Variants in GPC6 observed in about 807,000 individuals in gnomAD.
The protein encoded by GPC6 is glypican 6, also known as glypican-6.
Under a neutral mutation model 55.2 loss-of-function variants are expected in GPC6, and 14 were observed. The observed-to-expected ratio is 0.25, with a 90% confidence interval of 0.17 to 0.40. GPC6 has a LOEUF of 0.40. Among genes scored for constraint, GPC6 ranks in the 10% least tolerant of loss-of-function variants. The pLI is 1.00. For missense variants in GPC6, 641 were observed against 708.5 expected (o/e 0.90, Z 1.08); for synonymous variants, 278 against 259.6 (o/e 1.07, Z -0.68).
intron 2 of GPC6, among the ~76,000 whole-genome samples, chr13:93,782,526 C>T (rs1885685656): frequency 6.6e-6 from 1 of 152,108 alleles, no homozygotes; most frequent in Non-Finnish European, 1.5e-5. Context: ...TCCATAATGG[C>T]TGTATTAGTT....
intron 3 of GPC6, among the ~76,000 whole-genome samples, chr13:93,888,646 A>G (rs1207153612): frequency 1.3e-5 from 2 of 152,114 alleles, no homozygotes; most frequent in East Asian, 3.9e-4. Context: ...CTTCTCTTAG[A>G]TGCTTTTGGT....
At chr13:93,231,329 ACG>A (rs71873506) in intron 1 of GPC6, among the ~76,000 whole-genome samples, 43,925 of 96,304 alleles carry the variant, frequency 0.46, 8,193 homozygotes, top group Admixed American at 0.54. Context: ...ATATATATAT[ACG>A]TATATATATA....
At chr13:93,776,585 G>T (rs1885476722) in intron 2 of GPC6, among the ~76,000 whole-genome samples, 2 of 151,586 alleles carry the variant, frequency 1.3e-5, no homozygotes, top group Admixed American at 6.6e-5. Context: ...TCTTTTCAAG[G>T]TATGTTCAGA....
intron 2 of GPC6, among the ~76,000 whole-genome samples, chr13:93,667,225 A>G (rs1327649029): frequency 1.3e-5 from 2 of 152,168 alleles, no homozygotes; most frequent in African/African-American, 4.8e-5. Flanking sequence ...GATTATTGAC[A>G]TAACAGAAGA....
chr13:93,868,959 T>C (rs1316560537), intron 3 of GPC6, among the ~76,000 whole-genome samples: 2 of 151,814 alleles, frequency 1.3e-5, no homozygotes, highest in African/African-American at 4.8e-5. Flanking sequence ...CTTCTATTCT[T>C]TATGTAGTGC....
intron 2 of GPC6, among the ~76,000 whole-genome samples, chr13:93,778,469 A>G (rs1885536154): frequency 6.6e-6 from 1 of 152,178 alleles, no homozygotes; most frequent in Non-Finnish European, 1.5e-5. Context: ...AAGTCATAGC[A>G]TTGTGCTAAG....
At chr13:93,655,003 ATTTTTTTTTT>A (rs3884231) in intron 2 of GPC6, among the ~76,000 whole-genome samples, 2 of 104,736 alleles carry the variant, frequency 1.9e-5, no homozygotes, top group South Asian at 3.3e-4. Flanking sequence ...TGCCCGGCTA[ATTTTTTTTTT>A]TTTTTTTTTT....
chr13:93,439,694 A>ATAAAATAAAAT (rs1555300384), intron 1 of GPC6, among the ~76,000 whole-genome samples: 1 of 146,520 alleles, frequency 6.8e-6, no homozygotes, highest in African/African-American at 2.5e-5. Flanking sequence ...AATAAATAAA[A>ATAAAATAAAAT]AAAATAAAAT....
chr13:94,228,983 G>A (rs1269716062), intron 4 of GPC6, among the ~76,000 whole-genome samples: 1 of 152,170 alleles, frequency 6.6e-6, no homozygotes, highest in Non-Finnish European at 1.5e-5. Flanking sequence ...GAATGCTAAA[G>A]TCTAAATATG....
Position 93,791,292 on chromosome 13 carries a change from T to C in GPC6, c.320-38862T>C, listed in dbSNP as rs80122388. 5.2e-3 allele frequency among the ~76,000 whole-genome samples: 793 copies of C among 152,334 alleles called. 8 individuals carry two copies. Among genetic ancestry groups the C allele is most frequent in the African/African-American group, 0.018 (758 of 41,580 alleles). On this transcript the variant is annotated intron_variant, in intron 2 of 8. Coordinates refer to ENST00000377047, the MANE Select transcript of GPC6 (RefSeq NM_005708.5). ...AGACCAGGGCTGTAGAAATAGTCCC[T>C]GTCTTGTAAAAAACTGCAGTGCAAG...
intron 3 of GPC6, among the ~76,000 whole-genome samples, chr13:93,970,682 CA>C (rs1169534359): frequency 1.3e-5 from 2 of 152,154 alleles, no homozygotes; most frequent in Non-Finnish European, 2.9e-5. Context: ...GTGCTAATTG[CA>C]AAAGCTCCTT....
intron 7 of GPC6, among the ~76,000 whole-genome samples, chr13:94,393,239 A>T (rs1316714895): frequency 6.6e-6 from 1 of 152,124 alleles, no homozygotes. Flanking sequence ...ATTACATCGT[A>T]TCTCCAGTGG....
intron 2 of GPC6, among the ~76,000 whole-genome samples, chr13:93,674,844 T>C (rs1272100994): frequency 2.3e-4 from 2 of 8,774 alleles, no homozygotes; most frequent in African/African-American, 3.3e-3. Flanking sequence ...AGTCCCTAAA[T>C]GACTTGGCTG....
At chr13:94,349,396 C>CA (rs1878429655) in intron 6 of GPC6, among the ~76,000 whole-genome samples, 1 of 152,116 alleles carries the variant, frequency 6.6e-6, no homozygotes, top group African/African-American at 2.4e-5. Flanking sequence ...TCATCTCCAA[C>CA]TTTTTTTGAC....
chr13:93,853,526 T>A (rs1430133440), intron 3 of GPC6, among the ~76,000 whole-genome samples: 2 of 151,626 alleles, frequency 1.3e-5, no homozygotes, highest in African/African-American at 4.8e-5. Flanking sequence ...ATGCCTTAAT[T>A]ACTATATTTT....
intron 4 of GPC6, among the ~76,000 whole-genome samples, chr13:94,152,445 A>G (rs2138897983): frequency 6.6e-6 from 1 of 152,252 alleles, no homozygotes; most frequent in East Asian, 1.9e-4. Flanking sequence ...CATCAAACAA[A>G]TAGTTCTGAA....
chr13:93,468,408 A>G (rs1878991577), intron 1 of GPC6, among the ~76,000 whole-genome samples: 1 of 151,336 alleles, frequency 6.6e-6, no homozygotes, highest in South Asian at 2.1e-4. Context: ...TTCCAAATTC[A>G]TTGTGTAAAG....
At chr13:94,083,313 T>A (rs980613294) in intron 4 of GPC6, among the ~76,000 whole-genome samples, 3 of 152,060 alleles carry the variant, frequency 2.0e-5, no homozygotes, top group Non-Finnish European at 4.4e-5. Flanking sequence ...AGAGATGGGG[T>A]TTCACCGTGT....
At chr13:94,024,619 A>T (rs1352270734) in intron 3 of GPC6, among the ~76,000 whole-genome samples, 1 of 152,040 alleles carries the variant, frequency 6.6e-6, no homozygotes, top group Non-Finnish European at 1.5e-5. Context: ...GTACTAGGAG[A>T]CCCACATTTA....
Sources: gnomAD v4.1 joint callset for allele counts (sites outside exome capture counted in the v4.1 genomes callset) on GRCh38, gnomAD v4.1.1 for gene constraint, MANE v1.5 for transcripts, NCBI Gene and HGNC (gene_info 2026-07-23, HGNC 2026-07-21) for gene names.